SLC25A18: variants seen among roughly 807,000 people sequenced by gnomAD.
SLC25A18 encodes the protein mitochondrial glutamate carrier 2.
In SLC25A18, 24 loss-of-function variants were observed where a neutral mutation model predicts 31.1. The ratio of observed to expected loss-of-function variants is 0.77; its 90% CI spans 0.56 to 1.08. The LOEUF (loss-of-function observed/expected upper bound fraction) is 1.08, where lower values mean the gene tolerates loss of function less well. Among genes scored for constraint, SLC25A18 ranks in the 50% least tolerant of loss-of-function variants. The pLI is 0.00. For missense variants in SLC25A18, 371 were observed against 418.5 expected (o/e 0.89, Z 0.99); for synonymous variants, 173 against 161.9 (o/e 1.07, Z -0.52).
At chr22:17,580,105 A>G in intron 3 of SLC25A18, 141 bp downstream of exon 3, 2 of 676,394 alleles carry the variant, frequency 3.0e-6, no homozygotes, top group South Asian at 2.0e-5. Flanking sequence ...TAACATATAC[A>G]CTACATCTAC....
At chr22:17,577,975 CTTCT>C (rs1171009361) in intron 2 of SLC25A18, among the ~76,000 whole-genome samples, 250 of 133,846 alleles carry the variant, frequency 1.9e-3, no homozygotes, top group African/African-American at 8.0e-3. Flanking sequence ...CTGCGCCCTG[CTTCT>C]TTTTTTTTTT....
intron 10 of SLC25A18, 152 bp downstream of exon 10, chr22:17,589,817 ACTGGGAG>A: frequency 1.3e-6 from 1 of 783,984 alleles, no homozygotes; most frequent in East Asian, 2.7e-5. Flanking sequence ...AACAGAATGT[ACTGGGAG>A]CCTTTTTCTT....
At chr22:17,564,283 T>C (rs912878446) in intron 1 of SLC25A18, among the ~76,000 whole-genome samples, 1 of 152,232 alleles carries the variant, frequency 6.6e-6, no homozygotes, top group African/African-American at 2.4e-5. Flanking sequence ...TCTATTGTGA[T>C]GTTCTCACAA....
intron 5 of SLC25A18, chr22:17,582,131 G>A (rs1401812495): frequency 6.5e-6 from 1 of 154,402 alleles, no homozygotes. Context: ...CCAGCACTTT[G>A]GGAGGCCGAG....
intron 1 of SLC25A18, among the ~76,000 whole-genome samples, chr22:17,567,140 C>A (rs1358297979): frequency 6.6e-6 from 1 of 152,198 alleles, no homozygotes; most frequent in Middle Eastern, 3.4e-3. Context: ...CCAGCCTGGG[C>A]GACAGAGCAA....
Position 17,583,484 on chromosome 22 carries a change from C to T in SLC25A18, c.359C>T (p.Thr120Ile), listed in dbSNP as rs574524130. The T allele has an allele frequency of 1.9e-4, 311 of 1,614,036 alleles. 2 individuals carry two copies. In the South Asian group the frequency reaches 3.1e-3, roughly 16 times the overall value. The change falls in exon 7 of 11, where the codon ACC becomes ATC. Residue 120 changes from threonine to isoleucine, a missense_variant. Thr to Ile is a moderately conservative substitution (Grantham distance 89). Coordinates refer to ENST00000327451, the MANE Select transcript of SLC25A18 (RefSeq NM_031481.3). ...CGAGMCQVVV[T>I]CPMEMLKIQL... The stretch of plus-strand genomic sequence containing the variant: ...GCTGGGATGTGCCAGGTCGTGGTGA[C>T]CTGTCCCATGGAAATGCTCAAGATT...
rs1032168658 is a variant in SLC25A18 at position 17,579,783 on chromosome 22, G to A, written c.-162G>A. 1.4e-6 allele frequency: 2 copies of A among 1,407,616 alleles called. No homozygotes were observed. Among genetic ancestry groups the A allele is most frequent in the African/African-American group, 2.9e-5 (2 of 68,956 alleles). The allele number at this position is 1,407,616 out of a possible 1,614,324, so 87.2% of individuals were successfully genotyped here. A position where few individuals can be genotyped will look rare whatever the true frequency, so the allele number is the denominator to read the frequency against. On this transcript the variant is annotated 5_prime_UTR_variant, in exon 3 of 11. Transcript: ENST00000327451. ...AGCCCAAGGAGGTCGTCACTTGCCGGGAAGGTGGCTCGGGCCAGGCTGCAC... is the reference window on the plus strand; with the variant it reads ...AGCCCAAGGAGGTCGTCACTTGCCGAGAAGGTGGCTCGGGCCAGGCTGCAC...
intron 2 of SLC25A18, among the ~76,000 whole-genome samples, chr22:17,572,919 G>A (rs1170637572): frequency 6.6e-6 from 1 of 152,118 alleles, no homozygotes; most frequent in Non-Finnish European, 1.5e-5. Flanking sequence ...GGGATTACAG[G>A]CATGAGCCAT....
chr22:17,568,405 G>C (rs1000668007), intron 1 of SLC25A18, among the ~76,000 whole-genome samples: 2 of 150,496 alleles, frequency 1.3e-5, no homozygotes, highest in African/African-American at 4.9e-5. Flanking sequence ...AAAGGAAGGA[G>C]GAAGGAACTT....
intron 2 of SLC25A18, among the ~76,000 whole-genome samples, chr22:17,571,601 T>G (rs1438645898): frequency 6.6e-6 from 1 of 151,564 alleles, no homozygotes; most frequent in Non-Finnish European, 1.5e-5. Flanking sequence ...AGGGTAAAAA[T>G]GCACAAATTA....
At position 17,581,401 on chromosome 22, in the gene SLC25A18, G is replaced by C. The variant is rs758908304; in HGVS notation, c.187G>C (p.Gly63Arg). 1 of 1,614,048 alleles carries C rather than the reference G, an allele frequency of 6.2e-7. No individual in the cohort carries two copies. ...GACGGCTCGGGCGGAGGGCTTCTTC[G>C]GCATGTACCGAGGTGGGCTTCTCAG... ...MKTARAEGFF[G>R]MYRGAAVNLT... Residue 63 changes from glycine (G) to arginine (R), a missense_variant, in exon 5 of 11, where the codon GGC becomes CGC. Coordinates refer to ENST00000327451, the MANE Select transcript of SLC25A18 (RefSeq NM_031481.3).
At chr22:17,565,437 G>C (rs2056912092) in intron 1 of SLC25A18, among the ~76,000 whole-genome samples, 1 of 152,034 alleles carries the variant, frequency 6.6e-6, no homozygotes, top group Non-Finnish European at 1.5e-5. Context: ...GCAGTGGTAT[G>C]ATCATAGCTC....
rs376409376 is a variant in SLC25A18, at chr22:17,589,768, G to C, written c.806+103G>C. ...ACCAACTTGAATTGCTGGGCTCTGGGTTTCTTTGAAGTCTGTCTTTCCCTC... is the reference window on the plus strand; with the variant it reads ...ACCAACTTGAATTGCTGGGCTCTGGCTTTCTTTGAAGTCTGTCTTTCCCTC... On this transcript the variant is annotated intron_variant, in intron 10 of 10. Coordinates refer to ENST00000327451, the MANE Select transcript of SLC25A18 (RefSeq NM_031481.3). The C allele has an allele frequency of 7.6e-4, 870 of 1,143,312 alleles. 19 individuals are homozygous for C. In the South Asian group the frequency reaches 7.9e-3, roughly 10 times the overall value. The allele number at this position is 1,143,312 out of a possible 1,614,324, so 70.8% of individuals were successfully genotyped here. A position where few individuals can be genotyped will look rare whatever the true frequency, so the allele number is the denominator to read the frequency against.
chr22:17,574,703 G>T (rs935609578), intron 2 of SLC25A18, among the ~76,000 whole-genome samples: 14 of 150,362 alleles, frequency 9.3e-5, no homozygotes, highest in Non-Finnish European at 1.5e-5. Flanking sequence ...TGTGTTTTTA[G>T]TAGAGACGGA....
rs2057660674 is a variant in SLC25A18, at chr22:17,589,627, G to A, written c.768G>A (p.Leu256=). 1.9e-6 allele frequency: 3 copies of A among 1,613,998 alleles called. No homozygotes were observed. Among genetic ancestry groups the A allele is most frequent in the Non-Finnish European group, 2.5e-6 (3 of 1,180,010 alleles). Residue 256 remains leucine (L), a synonymous_variant, in exon 10 of 11, where the codon CTG becomes CTA. Transcript: ENST00000327451. The stretch of plus-strand genomic sequence containing the variant: ...GAATCCAAACCCTCAAGAAAGGCCT[G>A]GGCGAGGACATGTACAGTGGGATCA... ...KTRIQTLKKG[L]GEDMYSGITD...
chr22:17,573,321 G>T (rs1488586804), intron 2 of SLC25A18, among the ~76,000 whole-genome samples: 1 of 152,100 alleles, frequency 6.6e-6, no homozygotes, highest in Non-Finnish European at 1.5e-5. Flanking sequence ...ATGCTGCTGA[G>T]TGGTGAGATC....
chr22:17,569,472 A>G (rs1242333171), intron 1 of SLC25A18: 2 of 335,550 alleles, frequency 6.0e-6, no homozygotes, highest in African/African-American at 4.5e-5. Flanking sequence ...GATCATTGAA[A>G]TAGCCGGTTA....
chr22:17,571,723 C>G (rs1178177178), intron 2 of SLC25A18, among the ~76,000 whole-genome samples: 1 of 151,112 alleles, frequency 6.6e-6, no homozygotes, highest in Non-Finnish European at 1.5e-5. Context: ...CCACCGCACT[C>G]CAGCCTGGGC....
At chr22:17,567,336 C>A (rs1371579714) in intron 1 of SLC25A18, among the ~76,000 whole-genome samples, 1 of 152,118 alleles carries the variant, frequency 6.6e-6, no homozygotes, top group East Asian at 1.9e-4. Flanking sequence ...AACTAAGATT[C>A]AAACTGTTTC....
Sources: gnomAD v4.1 joint callset for allele counts (sites outside exome capture counted in the v4.1 genomes callset) on GRCh38, gnomAD v4.1.1 for gene constraint, MANE v1.5 for transcripts, NCBI Gene and HGNC (gene_info 2026-07-23, HGNC 2026-07-21) for gene names.